Variants in CLOCK observed in about 807,000 individuals in gnomAD.
CLOCK encodes clock circadian regulator.
A neutral mutation model predicts 118.4 loss-of-function variants in CLOCK; 43 were observed. The ratio of observed to expected loss-of-function variants is 0.36; its 90% CI spans 0.28 to 0.47. The LOEUF is 0.47. Among genes scored for constraint, CLOCK ranks in the 20% least tolerant of loss-of-function variants. The pLI is 1.00. For missense variants in CLOCK, 846 were observed against 999.9 expected (o/e 0.85, Z 2.08); for synonymous variants, 326 against 339.2 (o/e 0.96, Z 0.43).
chr4:55,536,571 T>G (rs1326300335), intron 1 of CLOCK, among the ~76,000 whole-genome samples: 1 of 152,182 alleles, frequency 6.6e-6, no homozygotes, highest in African/African-American at 2.4e-5. Context: ...CCCTTCACTT[T>G]CAGCCATGAC....
chr4:55,486,190 T>C (rs1289643833), intron 3 of CLOCK, among the ~76,000 whole-genome samples: 1 of 152,216 alleles, frequency 6.6e-6, no homozygotes, highest in Non-Finnish European at 1.5e-5. Flanking sequence ...CTTTTCCTTT[T>C]GAGCAGTTTT....
At chr4:55,503,978 T>TTAAAA (rs1553900256) in intron 2 of CLOCK, among the ~76,000 whole-genome samples, 1 of 71,130 alleles carries the variant, frequency 1.4e-5, no homozygotes, top group Non-Finnish European at 2.5e-5. Flanking sequence ...CAAAAAGAGG[T>TTAAAA]AAAAAAAAAA....
intron 1 of CLOCK, among the ~76,000 whole-genome samples, chr4:55,527,971 G>A (rs1730312764): frequency 1.3e-5 from 2 of 151,714 alleles, no homozygotes; most frequent in South Asian, 2.1e-4. Context: ...GTTCAAGGCT[G>A]CAGTGAGCTA....
At chr4:55,531,534 G>A (rs1222174807) in intron 1 of CLOCK, among the ~76,000 whole-genome samples, 2 of 151,462 alleles carry the variant, frequency 1.3e-5, no homozygotes, top group African/African-American at 2.4e-5. Context: ...GTGAAACCCC[G>A]TCTCTACGAA....
chr4:55,530,774 C>CAAAAAAAAAAAAA (rs60810379), intron 1 of CLOCK, among the ~76,000 whole-genome samples: 4,781 of 32,466 alleles, frequency 0.15, 954 homozygotes, highest in Non-Finnish European at 0.2. Context: ...GACTCCATCG[C>CAAAAAAAAAAAAA]AAAAAAAAAA....
intron 4 of CLOCK, among the ~76,000 whole-genome samples, chr4:55,482,222 GT>G (rs1170094916): frequency 9.9e-5 from 15 of 152,256 alleles, no homozygotes; most frequent in East Asian, 1.9e-4. Context: ...GTACCCAATA[GT>G]TTTTTAACCC....
intron 4 of CLOCK, 72 bp downstream of exon 4, chr4:55,482,667 T>C: frequency 2.0e-6 from 2 of 1,020,244 alleles, no homozygotes; most frequent in Non-Finnish European, 1.4e-6. Flanking sequence ...ATCAATTTCA[T>C]ATAGACCATT....
intron 1 of CLOCK, among the ~76,000 whole-genome samples, chr4:55,511,632 C>T (rs1729151669): frequency 1.3e-5 from 2 of 152,098 alleles, no homozygotes; most frequent in Admixed American, 6.5e-5. Flanking sequence ...ATCCTTATCA[C>T]CCAAAATTTT....
At chr4:55,497,801 T>C (rs930380795) in intron 2 of CLOCK, among the ~76,000 whole-genome samples, 2 of 152,170 alleles carry the variant, frequency 1.3e-5, no homozygotes, top group Non-Finnish European at 2.9e-5. Flanking sequence ...TAGCACATAT[T>C]TCCCCTTTTG....
chr4:55,452,063 A>G (rs748754855), intron 15 of CLOCK, among the ~76,000 whole-genome samples: 1 of 151,982 alleles, frequency 6.6e-6, no homozygotes, highest in Non-Finnish European at 1.5e-5. Context: ...GTGGTAGGCA[A>G]TTTCTGACAT....
intron 1 of CLOCK, among the ~76,000 whole-genome samples, chr4:55,531,698 C>T (rs1168293906): frequency 7.9e-5 from 5 of 63,068 alleles, no homozygotes; most frequent in African/African-American, 2.3e-4. Context: ...AGCAAGACTT[C>T]GTCTCAAAAA....
intron 13 of CLOCK, 32 bp downstream of exon 13, chr4:55,455,862 AGTT>A (rs1191973129): frequency 7.4e-7 from 1 of 1,347,698 alleles, no homozygotes; most frequent in African/African-American, 1.4e-5. Flanking sequence ...CTTATAAAAC[AGTT>A]ATTATCACCA....
chr4:55,448,594 A>ACGCGCGCG lies in CLOCK; in HGVS notation c.1539+177_1539+184dup, dbSNP rs1553891178. ...TATAATTATATATGTGCGCGCGCGC[A>ACGCGCGCG]CGCGCGCGTGTGTGTGTGTGTGTGT... On this transcript the variant is annotated intron_variant, in intron 18 of 22. Coordinates refer to ENST00000513440, the MANE Select transcript of CLOCK (RefSeq NM_004898.4). Among the ~76,000 whole-genome samples the ACGCGCGCG allele has an allele frequency of 3.3e-3, 267 of 81,362 alleles. 1 individual carries two copies. Among genetic ancestry groups the ACGCGCGCG allele is most frequent in the African/African-American group, 9.7e-3 (217 of 22,322 alleles). The allele number at this position is 81,362 out of a possible 152,430, so 53.4% of individuals were successfully genotyped here.
intron 1 of CLOCK, among the ~76,000 whole-genome samples, chr4:55,513,511 T>C (rs1029288593): frequency 2.0e-5 from 3 of 152,142 alleles, no homozygotes; most frequent in Admixed American, 6.6e-5. Flanking sequence ...TTAAAATATT[T>C]GTCTATGCTT....
In CLOCK at chr4:55,512,794, G is replaced by A. The variant is rs538490986; in HGVS notation, c.-289-2729C>T. On this transcript the variant is annotated intron_variant, in intron 1 of 22. Transcript: ENST00000513440. ...TTTTTGCACATAGACAGTTGCTCCG[G>A]TACCATTTGTTGAAAACTATCTTTT... is the stretch of plus-strand genomic sequence containing the variant. Among the ~76,000 whole-genome samples the A allele has an allele frequency of 2.0e-5, 3 of 152,242 alleles. No individual in the cohort carries two copies. In the East Asian group the frequency reaches 5.8e-4, roughly 29 times the overall value.
In CLOCK at chr4:55,448,583, TGCGC is replaced by T. The variant is rs1016031959; in HGVS notation, c.1539+192_1539+195del. 2.3e-4 allele frequency among the ~76,000 whole-genome samples: 24 copies of T among 106,080 alleles called. 2 individuals are homozygous for T. The highest frequency in any genetic ancestry group is 4.8e-3 in the Middle Eastern group (1 of 208). The allele number at this position is 106,080 out of a possible 152,430, so 69.6% of individuals were successfully genotyped here. ...GCATCTGTAACTATAATTATATATGTGCGCGCGCGCACGCGCGCGTGTGTGTGTG... is the reference window on the plus strand; with the variant it reads ...GCATCTGTAACTATAATTATATATGTGCGCGCACGCGCGCGTGTGTGTGTG... On this transcript the variant is annotated intron_variant, in intron 18 of 22. Coordinates refer to ENST00000513440, the MANE Select transcript of CLOCK (RefSeq NM_004898.4).
chr4:55,449,348 C>T (rs776279712), intron 17 of CLOCK, 48 bp downstream of exon 17: 2 of 1,473,494 alleles, frequency 1.4e-6, no homozygotes, highest in Non-Finnish European at 1.9e-6. Context: ...ATCATTTTTC[C>T]CCTCTTAATA....
At chr4:55,504,282 T>TTA (rs1728647507) in intron 2 of CLOCK, among the ~76,000 whole-genome samples, 2 of 27,598 alleles carry the variant, frequency 7.2e-5, no homozygotes, top group Non-Finnish European at 1.3e-4. Flanking sequence ...CGAGACTCCA[T>TTA]CAAAAAAAAA....
At chr4:55,467,973 C>T (rs1725849434) in intron 8 of CLOCK, among the ~76,000 whole-genome samples, 1 of 152,120 alleles carries the variant, frequency 6.6e-6, no homozygotes, top group South Asian at 2.1e-4. Context: ...CCCTTGAGAG[C>T]CTGGACTTTT....
Sources: gnomAD v4.1 joint callset for allele counts (sites outside exome capture counted in the v4.1 genomes callset) on GRCh38, gnomAD v4.1.1 for gene constraint, MANE v1.5 for transcripts, NCBI Gene and HGNC (gene_info 2026-07-23, HGNC 2026-07-21) for gene names.